NUP42: variants seen among roughly 807,000 people sequenced by gnomAD.
The protein encoded by NUP42 is nucleoporin 42.
Under a neutral mutation model 35.9 loss-of-function variants are expected in NUP42, and 47 were observed. The observed-to-expected ratio is 1.31, with a 90% CI of 1.04 to 1.67. NUP42 has a LOEUF of 1.67. Ranked by LOEUF, NUP42 falls within the 40% of genes most tolerant of loss-of-function variation. The pLI is 0.00. For synonymous variants in NUP42, 173 were observed against 173.3 expected (o/e 1.00, Z 0.01); for missense variants, 514 against 492.2 (o/e 1.04, Z -0.42).
chr7:23,193,888 A>T, intron 3 of NUP42, among the ~76,000 whole-genome samples: 1 of 152,252 alleles, frequency 6.6e-6, no homozygotes, highest in Non-Finnish European at 1.5e-5. Flanking sequence ...GCAGGGAGGC[A>T]GCTAAGACCC....
At chr7:23,188,388 C>G in intron 3 of NUP42, 1 of 982,460 alleles carries the variant, frequency 1.0e-6, no homozygotes. Context: ...TGCAAATAAA[C>G]TAAGATAATT....
At chr7:23,188,017 T>G in intron 3 of NUP42, 1 of 1,163,162 alleles carries the variant, frequency 8.6e-7, no homozygotes, top group Non-Finnish European at 1.2e-6. Context: ...ATTTTTATTT[T>G]TTTTTTTGTC....
At chr7:23,197,442 A>G (rs1003456603) in intron 5 of NUP42, among the ~76,000 whole-genome samples, 3 of 152,214 alleles carry the variant, frequency 2.0e-5, no homozygotes, top group Non-Finnish European at 1.5e-5. Flanking sequence ...CCTTTCTTAA[A>G]TATGTGCTTC....
chr7:23,189,650 C>T (rs1785722751), intron 3 of NUP42, among the ~76,000 whole-genome samples: 1 of 150,526 alleles, frequency 6.6e-6, no homozygotes. Flanking sequence ...CGGTGGCTCA[C>T]ACCTGTAATC....
chr7:23,199,362 AT>A (rs1786126407), intron 5 of NUP42, 95 bp from the exon 6 acceptor site: 1 of 1,061,472 alleles, frequency 9.4e-7, no homozygotes, highest in South Asian at 1.3e-5. Context: ...TTTAATGCAC[AT>A]TTTAAAAACT....
intron 3 of NUP42, among the ~76,000 whole-genome samples, chr7:23,193,965 G>A (rs979774588): frequency 1.6e-4 from 25 of 152,240 alleles, no homozygotes; most frequent in African/African-American, 5.8e-4. Flanking sequence ...CTCCGCAGCC[G>A]CTGGCCCGGG....
chr7:23,182,077 G>C lies in NUP42; in HGVS notation c.-9G>C. 1 of 1,613,474 alleles carries C rather than the reference G, an allele frequency of 6.2e-7. No homozygotes were observed. On this transcript the variant is annotated 5_prime_UTR_variant, in exon 1 of 7. Coordinates refer to ENST00000258742, the MANE Select transcript of NUP42 (RefSeq NM_007342.3). ...ACTGAAGACGCCCTCCGTCAGCGAC[G>C]CCGTCGCAATGGCCATTTGTCAATT...
intron 3 of NUP42, among the ~76,000 whole-genome samples, chr7:23,192,501 GATGC>G (rs1785828943): frequency 7.0e-6 from 1 of 143,034 alleles, no homozygotes; most frequent in Admixed American, 7.1e-5. Context: ...AAGCCGAGAT[GATGC>G]CACTGCACTC....
chr7:23,182,617 C>T (rs923544100), intron 1 of NUP42: 1 of 641,538 alleles, frequency 1.6e-6, no homozygotes, highest in Non-Finnish European at 2.0e-6. Context: ...CTAATAAAAC[C>T]GGCCGGGCGG....
At position 23,200,602 on chromosome 7, in the gene NUP42, A is replaced by G. The variant is rs1562613266; in HGVS notation, c.1129A>G (p.Ser377Gly). 2 of 1,614,210 alleles carry G rather than the reference A, an allele frequency of 1.2e-6. No homozygotes were observed. Among genetic ancestry groups the G allele is most frequent in the East Asian group, 2.2e-5 (1 of 44,890 alleles). Reference sequence around the variant, plus strand: ...CATATCCACTTCTCTGTCAGCCTCAAGCAGCATCATTGCAACAGATAATGT... The same window carrying G: ...CATATCCACTTCTCTGTCAGCCTCAGGCAGCATCATTGCAACAGATAATGT... ...SSISTSLSASSSIIATDNVLF... is the reference protein window; with the variant it reads ...SSISTSLSASGSIIATDNVLF... Residue 377 changes from serine to glycine, a missense_variant, in exon 7 of 7, where the codon AGC (serine) becomes GGC (glycine). Transcript: ENST00000258742.
At position 23,199,681 on chromosome 7, in the gene NUP42, G is replaced by A; in HGVS notation, c.694+139G>A. ...TCCATCATAGAGCCTCAAAGCATTTGACTCATTAGACATTTGTGAAAGGGA... is the reference window on the plus strand; with the variant it reads ...TCCATCATAGAGCCTCAAAGCATTTAACTCATTAGACATTTGTGAAAGGGA... On this transcript the variant is annotated intron_variant, in intron 6 of 6. Transcript: ENST00000258742. The A allele has an allele frequency of 4.2e-6, 3 of 719,636 alleles. No individual in the cohort carries two copies. In the East Asian group the frequency reaches 8.0e-5, roughly 19 times the overall value. 44.6% of individuals were successfully genotyped at this position (719,636 alleles called of 1,614,324 possible). A position where few individuals can be genotyped will look rare whatever the true frequency, so the allele number is the denominator to read the frequency against.
Position 23,200,648 on chromosome 7 carries a change from A to G in NUP42, c.1175A>G (p.Lys392Arg). The G allele has an allele frequency of 6.2e-7, 1 of 1,613,802 alleles. No individual in the cohort carries two copies. Among genetic ancestry groups the G allele is most frequent in the East Asian group, 2.2e-5 (1 of 44,878 alleles). Residue 392 changes from lysine to arginine, a missense_variant, in exon 7 of 7, where the codon AAA (lysine) becomes AGA (arginine). Lys to Arg is a conservative substitution (Grantham distance 26). Coordinates refer to ENST00000258742, the MANE Select transcript of NUP42 (RefSeq NM_007342.3). Reference sequence around the variant, plus strand: ...AATGTGTTATTCACACCCAGAGATAAACTAACAGTAGAAGAACTGGAACAA... The same window carrying G: ...AATGTGTTATTCACACCCAGAGATAGACTAACAGTAGAAGAACTGGAACAA... ...TDNVLFTPRD[K>R]LTVEELEQFQ...
chr7:23,197,139 CT>C (rs1348373534), intron 5 of NUP42: 1 of 1,094,062 alleles, frequency 9.1e-7, no homozygotes, highest in Non-Finnish European at 1.2e-6. Flanking sequence ...CGTTTTGCGA[CT>C]GAAGAACACA....
intron 2 of NUP42, 21 bp downstream of exon 2, chr7:23,185,319 A>T: frequency 6.6e-7 from 1 of 1,520,310 alleles, no homozygotes. Context: ...GTTTTCAGGA[A>T]AATTACTATC....
chr7:23,195,930 T>C lies in NUP42; in HGVS notation c.522+15T>C, dbSNP rs370909417. 2.0e-6 allele frequency: 3 copies of C among 1,514,278 alleles called. No individual in the cohort carries two copies. Among genetic ancestry groups the C allele is most frequent in the East Asian group, 4.6e-5 (2 of 43,586 alleles). 93.8% of individuals were successfully genotyped at this position (1,514,278 alleles called of 1,614,324 possible). On this transcript the variant is annotated intron_variant, in intron 4 of 6. Coordinates refer to ENST00000258742, the MANE Select transcript of NUP42 (RefSeq NM_007342.3). ...TACAGAGTTATGTAAGTTTGTTTCC[T>C]ATTAATCTACTGCAATAACAGATGA... is the stretch of plus-strand genomic sequence containing the variant.
At position 23,200,584 on chromosome 7, in the gene NUP42, A is replaced by G. The variant is rs1484883710; in HGVS notation, c.1111A>G (p.Thr371Ala). Residue 371 changes from threonine to alanine, a missense_variant, in exon 7 of 7, where the codon ACT becomes GCT. By Grantham distance (58) the Thr-to-Ala change is moderately conservative. Transcript: ENST00000258742. ...CACTTTTGGAAATAGCAGCATATCC[A>G]CTTCTCTGTCAGCCTCAAGCAGCAT... ...SDTFGNSSIS[T>A]SLSASSSIIA... 1 of 1,613,996 alleles carries G rather than the reference A, an allele frequency of 6.2e-7. No homozygotes were observed. Among genetic ancestry groups the G allele is most frequent in the Non-Finnish European group, 8.5e-7 (1 of 1,180,032 alleles).
At chr7:23,187,599 C>CTTTTTT (rs11446033) in intron 3 of NUP42, among the ~76,000 whole-genome samples, 15 of 84,830 alleles carry the variant, frequency 1.8e-4, no homozygotes, top group African/African-American at 2.0e-4. Context: ...GGGATAGCAA[C>CTTTTTT]TTTTTTTTTT....
intron 3 of NUP42, among the ~76,000 whole-genome samples, chr7:23,189,309 G>A (rs962274520): frequency 1.2e-4 from 19 of 152,220 alleles, no homozygotes; most frequent in African/African-American, 4.3e-4. Flanking sequence ...TGATTAAATG[G>A]ATGGCAACAT....
intron 4 of NUP42, 172 bp from the exon 5 acceptor site, chr7:23,196,508 G>A (rs927653368): frequency 5.3e-6 from 3 of 560,842 alleles, no homozygotes; most frequent in Non-Finnish European, 9.6e-6. Flanking sequence ...AACTGGAGCT[G>A]GCATATCTTT....
Sources: gnomAD v4.1 joint callset for allele counts (sites outside exome capture counted in the v4.1 genomes callset) on GRCh38, gnomAD v4.1.1 for gene constraint, MANE v1.5 for transcripts, NCBI Gene and HGNC (gene_info 2026-07-23, HGNC 2026-07-21) for gene names.